PRPF40B: variants seen among roughly 807,000 people sequenced by gnomAD.
The protein encoded by PRPF40B is pre-mRNA-processing factor 40 homolog B.
In PRPF40B, 56 loss-of-function variants were observed where a neutral mutation model predicts 124.5. That is an observed-to-expected ratio of 0.45 (90% CI 0.36 to 0.56). PRPF40B has a LOEUF of 0.56. PRPF40B is among the 20% of genes least tolerant of loss of function. The pLI is 0.00. For missense variants in PRPF40B, 1,053 were observed against 1,169.5 expected, an observed-to-expected ratio of 0.90 and a Z score of 1.45; for synonymous variants, 443 against 426.4, an observed-to-expected ratio of 1.04 and a Z score of -0.48.
chr12:49,627,735 G>C (rs1940854328), intron 1 of PRPF40B, among the ~76,000 whole-genome samples: 1 of 152,194 alleles, frequency 6.6e-6, no homozygotes. Flanking sequence ...TGAAGAGCTT[G>C]TTATAGCTGC....
Position 49,637,774 on chromosome 12 carries a change from T to G in PRPF40B, c.1717T>G (p.Leu573Val). ...CTTATTCAAGTTCTATGTGGAGGAG[T>G]TGAAGGCACGATTCCATGATGAAAA... ...LDLFKFYVEE[L>V]KARFHDEKKI... Residue 573 changes from leucine to valine, a missense_variant, in exon 18 of 26, where the codon TTG becomes GTG. Leu to Val is a conservative substitution (Grantham distance 32, BLOSUM62 1). Coordinates refer to ENST00000548825, the MANE Select transcript of PRPF40B (RefSeq NM_001031698.3). 6.2e-7 allele frequency: 1 copy of G among 1,603,172 alleles called. No individual in the cohort carries two copies.
chr12:49,630,610 G>A lies in PRPF40B; in HGVS notation c.69G>A (p.Met23Ile). The change falls in exon 2 of 26, where the codon ATG becomes ATA. Residue 23 changes from methionine to isoleucine, a missense_variant. Coordinates refer to ENST00000548825, the MANE Select transcript of PRPF40B (RefSeq NM_001031698.3). ...APAPFPPGPP[M>I]MPPPFMPPPG... is the part of the protein sequence containing the mutation. ...CCCCCTTCCCACCGGGGCCCCCCAT[G>A]ATGCCACCACCCTTCGTAAGTTTTA... 1 of 1,316,862 alleles carries A rather than the reference G, an allele frequency of 7.6e-7. No homozygotes were observed. Among genetic ancestry groups the A allele is most frequent in the Non-Finnish European group, 1.1e-6 (1 of 910,714 alleles). The allele number at this position is 1,316,862 out of a possible 1,614,324, so 81.6% of individuals were successfully genotyped here.
At chr12:49,639,916 TG>T (rs1158304834) in intron 18 of PRPF40B, 30 of 152,372 alleles carry the variant, frequency 2.0e-4, no homozygotes, top group Non-Finnish European at 3.2e-4. Context: ...AAAGTAGAAA[TG>T]CCTTATCCTG....
chr12:49,638,290 T>C (rs1298965698), intron 18 of PRPF40B: 1 of 153,694 alleles, frequency 6.5e-6, no homozygotes, highest in Non-Finnish European at 1.4e-5. Flanking sequence ...GTTGCTAACA[T>C]TTTAAAACCA....
At chr12:49,624,120 G>A in intron 1 of PRPF40B, 4 of 986,180 alleles carry the variant, frequency 4.1e-6, no homozygotes, top group Non-Finnish European at 4.8e-6. Context: ...TCTGAAGAAA[G>A]GGGCTCCCAG....
intron 18 of PRPF40B, chr12:49,639,787 C>T (rs748305136): frequency 6.6e-6 from 1 of 152,010 alleles, no homozygotes; most frequent in Non-Finnish European, 1.5e-5. Context: ...GGTGTCAGGG[C>T]AGTGGATGAT....
chr12:49,640,851 G>A (rs1464501057), intron 18 of PRPF40B: 2 of 152,216 alleles, frequency 1.3e-5, no homozygotes, highest in African/African-American at 4.8e-5. Context: ...TCCAGGTTAG[G>A]TGAGGTGTCT....
chr12:49,630,575 G>A lies in PRPF40B; in HGVS notation c.34G>A (p.Ala12Thr). 1.4e-6 allele frequency: 2 copies of A among 1,424,940 alleles called. No homozygotes were observed. Among genetic ancestry groups the A allele is most frequent in the Non-Finnish European group, 2.0e-6 (2 of 1,014,528 alleles). The allele number at this position is 1,424,940 out of a possible 1,614,324, so 88.3% of individuals were successfully genotyped here. A position where few individuals can be genotyped will look rare whatever the true frequency, so the allele number is the denominator to read the frequency against. The change falls in exon 2 of 26, where the codon GCA (alanine) becomes ACA (threonine). Residue 12 changes from alanine (A) to threonine (T), a missense_variant. Transcript: ENST00000548825. ...SVPDSGPRPP[A>T]APAPFPPGPP... ...TCCCGATTCTGGTCCCCGGCCCCCA[G>A]CAGCGCCTGCCCCCTTCCCACCGGG...
chr12:49,643,249 G>A lies in PRPF40B; in HGVS notation c.2232G>A (p.Leu744=). The A allele has an allele frequency of 6.2e-7, 1 of 1,614,062 alleles. No individual in the cohort carries two copies. The change falls in exon 23 of 26, where the codon CTG becomes CTA. Residue 744 remains leucine (L), a synonymous_variant. Transcript: ENST00000548825. ...GCTCTGAGTCAGAAGAAGAGGAGCT[G>A]CCCCCACCATCTCTCCGGCCCCCCA... is the stretch of plus-strand genomic sequence containing the variant. ...PSGSESEEEE[L]PPPSLRPPKR...
chr12:49,630,711 A>G (rs1459315695), intron 2 of PRPF40B, 86 bp downstream of exon 2: 1 of 660,930 alleles, frequency 1.5e-6, no homozygotes, highest in African/African-American at 1.8e-5. Context: ...CATCACCAGC[A>G]CAGTTTTCCT....
In PRPF40B at chr12:49,631,594, T is replaced by TG. The variant is rs1340548423; in HGVS notation, c.228+55dup. The TG allele has an allele frequency of 2.0e-6, 3 of 1,524,694 alleles. No individual in the cohort carries two copies. The highest frequency in any genetic ancestry group is 8.8e-7 in the Non-Finnish European group (1 of 1,137,232). The allele number at this position is 1,524,694 out of a possible 1,614,324, so 94.4% of individuals were successfully genotyped here. A position where few individuals can be genotyped will look rare whatever the true frequency, so the allele number is the denominator to read the frequency against. On this transcript the variant is annotated intron_variant, in intron 3 of 25. Coordinates refer to ENST00000548825, the MANE Select transcript of PRPF40B (RefSeq NM_001031698.3). The surrounding 1 kb of genome is among the most constrained non-coding windows in gnomAD (Gnocchi z 4.3). ...CCTCAGAAAACCCTGTCAGTTTAGC[T>TG]GGGGGTGGAGATAAGAGCGGGCATG... is the stretch of plus-strand genomic sequence containing the variant.
intron 15 of PRPF40B, 120 bp from the exon 16 acceptor site, chr12:49,636,596 C>A (rs1941837333): frequency 2.1e-6 from 3 of 1,423,968 alleles, no homozygotes; most frequent in East Asian, 2.3e-5. Context: ...AGGCCCTTCC[C>A]CCACCACCCT....
At chr12:49,632,562 G>A in intron 4 of PRPF40B, 34 bp from the exon 5 acceptor site, 2 of 1,611,202 alleles carry the variant, frequency 1.2e-6, no homozygotes, top group Non-Finnish European at 1.7e-6. Flanking sequence ...ACTGGGCTTG[G>A]CCCCAACCCT....
At chr12:49,636,419 A>C (rs1941812204) in intron 15 of PRPF40B, 1 of 453,562 alleles carries the variant, frequency 2.2e-6, no homozygotes. Context: ...ATTGATTCCC[A>C]GTTCCCTAAG....
chr12:49,623,112 C>T (rs115061962), upstream of PRPF40B, among the ~76,000 whole-genome samples: 2,133 of 151,926 alleles, frequency 0.014, 49 homozygotes, highest in African/African-American at 0.048. Context: ...GACCCTGCCA[C>T]CTCACAGGTG....
intron 16 of PRPF40B, 105 bp from the exon 17 acceptor site, chr12:49,637,365 C>G (rs1282662383): frequency 9.4e-6 from 7 of 741,272 alleles, no homozygotes. Flanking sequence ...TTTCCTCAAT[C>G]TTGATTGTCC....
Position 49,637,582 on chromosome 12 carries a change from C to T in PRPF40B, c.1673C>T (p.Pro558Leu), listed in dbSNP as rs371206574. 1.4e-5 allele frequency: 22 copies of T among 1,613,116 alleles called. No individual in the cohort carries two copies. Among genetic ancestry groups the T allele is most frequent in the South Asian group, 6.6e-5 (6 of 91,080 alleles). The change falls in exon 17 of 26, where the codon CCG becomes CTG. Residue 558 changes from proline (P) to leucine (L), a missense_variant and splice_region_variant. Physicochemically the swap from Pro to Leu is moderately conservative, Grantham distance 98. Coordinates refer to ENST00000548825, the MANE Select transcript of PRPF40B (RefSeq NM_001031698.3). ...CGCTTTGCCAACATGCTGGGCCAGC[C>T]GGGTAAGGCAGCCAGGCTCCCCCTT... ...DVRFANMLGQ[P>L]GSTPLDLFKF... is the part of the protein sequence containing the mutation.
At chr12:49,623,405 G>C (rs915373912), upstream of PRPF40B, 6 of 384,414 alleles carry the variant, frequency 1.6e-5, no homozygotes, top group Admixed American at 5.2e-5. Flanking sequence ...GTGCCGGGGG[G>C]GCGGGGCCGG....
chr12:49,633,602 C>G (rs1431969339), intron 8 of PRPF40B, 35 bp from the exon 9 acceptor site: 1 of 1,614,216 alleles, frequency 6.2e-7, no homozygotes, highest in South Asian at 1.1e-5. Flanking sequence ...CCCTATTGCC[C>G]CTGTGACTGA....
Sources: allele counts gnomAD v4.1 joint callset (sites outside exome capture counted in the v4.1 genomes callset), GRCh38; gene constraint gnomAD v4.1.1; non-coding constraint Gnocchi (gnomAD v3.1); transcripts MANE v1.5; gene names NCBI Gene and HGNC (gene_info 2026-07-23, HGNC 2026-07-21).